Variants in CALN1 observed in about 807,000 individuals in gnomAD.
CALN1 encodes calcium-binding protein 8.
Under a neutral mutation model 30.6 loss-of-function variants are expected in CALN1, and 17 were observed. The ratio of observed to expected loss-of-function variants is 0.56; its 90% CI spans 0.38 to 0.83. The LOEUF (loss-of-function observed/expected upper bound fraction) is 0.83, where lower values mean the gene tolerates loss of function less well. Ranked by LOEUF, CALN1 falls within the 40% of genes least tolerant of loss-of-function variation. The pLI is 0.00. For synonymous variants in CALN1, 156 were observed against 131.4 expected (o/e 1.19, Z -1.28); for missense variants, 291 against 354.9 (o/e 0.82, Z 1.45).
At chr7:72,255,705 C>T (rs1795862142) in intron 3 of CALN1, among the ~76,000 whole-genome samples, 1 of 151,060 alleles carries the variant, frequency 6.6e-6, no homozygotes, top group African/African-American at 2.4e-5. Context: ...TGTGAGCCAC[C>T]ACACCCAGCA....
At chr7:71,965,320 C>T (rs532432454) in intron 5 of CALN1, among the ~76,000 whole-genome samples, 5 of 152,218 alleles carry the variant, frequency 3.3e-5, no homozygotes, top group Middle Eastern at 3.2e-3. Flanking sequence ...TGTGAGCCAC[C>T]ATGCCCAGCC....
At chr7:71,914,809 T>C (rs927506772) in intron 5 of CALN1, among the ~76,000 whole-genome samples, 11 of 152,212 alleles carry the variant, frequency 7.2e-5, no homozygotes, top group African/African-American at 2.4e-4. Flanking sequence ...GATGTTGAGC[T>C]TCTTTTTCCT....
chr7:71,805,024 T>C (rs768368085), intron 6 of CALN1, among the ~76,000 whole-genome samples: 3 of 152,224 alleles, frequency 2.0e-5, no homozygotes, highest in Non-Finnish European at 2.9e-5. Flanking sequence ...CATTAATTTC[T>C]AATAGAGTCC....
intron 3 of CALN1, among the ~76,000 whole-genome samples, chr7:72,108,864 T>C (rs1231221730): frequency 1.3e-5 from 2 of 152,200 alleles, no homozygotes. Context: ...TAAGTTTGCA[T>C]GGACTTGCCC....
intron 5 of CALN1, among the ~76,000 whole-genome samples, chr7:71,895,396 G>A (rs1251203320): frequency 6.6e-6 from 1 of 151,742 alleles, no homozygotes; most frequent in African/African-American, 2.4e-5. Context: ...CATTTTAATT[G>A]TTCCTCTTGT....
chr7:71,797,780 G>C (rs2867514), intron 6 of CALN1, among the ~76,000 whole-genome samples: 99,342 of 151,960 alleles, frequency 0.65, 34,352 homozygotes, highest in East Asian at 0.91. Context: ...ATCTTTTGTG[G>C]TTGGGACCTT....
At chr7:71,796,647 C>T (rs748185232) in intron 6 of CALN1, among the ~76,000 whole-genome samples, 40 of 152,222 alleles carry the variant, frequency 2.6e-4, no homozygotes, top group Non-Finnish European at 5.1e-4. Flanking sequence ...CGTGAGCCAC[C>T]GCGTCCAGCT....
intron 2 of CALN1, among the ~76,000 whole-genome samples, chr7:72,299,354 C>T (rs973251105): frequency 6.6e-6 from 1 of 151,966 alleles, no homozygotes; most frequent in African/African-American, 2.4e-5. Flanking sequence ...TGCAGTAAAG[C>T]ATGAACACAA....
chr7:72,290,111 A>T (rs1463336590), intron 2 of CALN1, among the ~76,000 whole-genome samples: 53 of 133,340 alleles, frequency 4.0e-4, no homozygotes, highest in African/African-American at 1.3e-3. Flanking sequence ...AAAAAAAAAA[A>T]AAAAAAAAAA....
At chr7:72,314,305 G>T (rs974724856) in intron 2 of CALN1, among the ~76,000 whole-genome samples, 3 of 151,514 alleles carry the variant, frequency 2.0e-5, no homozygotes, top group African/African-American at 7.3e-5. Flanking sequence ...AATACTATTT[G>T]ATTTCTAAGC....
rs556359838 is a variant in CALN1, at chr7:72,075,818, A to G, written c.388+30333T>C. Among the ~76,000 whole-genome samples, 58 of 152,258 alleles carry G rather than the reference A, an allele frequency of 3.8e-4. 1 individual carries two copies. In the South Asian group the frequency reaches 9.8e-3, roughly 26 times the overall value. ...CTCAGGCCATGGGAGGTTAGGTTTC[A>G]ACAAATAGAGACATCTGGGTGTCAG... On this transcript the variant is annotated intron_variant, in intron 4 of 6. Transcript: ENST00000395275.
chr7:72,179,892 A>G (rs1789635037), intron 3 of CALN1, among the ~76,000 whole-genome samples: 1 of 152,236 alleles, frequency 6.6e-6, no homozygotes. Context: ...CTGTTTGCTT[A>G]TTAACAAAAG....
intron 3 of CALN1, among the ~76,000 whole-genome samples, chr7:72,213,738 T>C (rs1375568539): frequency 1.3e-5 from 2 of 152,146 alleles, no homozygotes; most frequent in African/African-American, 4.8e-5. Context: ...TGACCAGCTG[T>C]GTCTACTCAG....
the CALN1 span, among the ~76,000 whole-genome samples, chr7:72,489,206 A>C: frequency 6.6e-6 from 1 of 152,112 alleles, no homozygotes; most frequent in African/African-American, 2.4e-5. Flanking sequence ...TCCTCTTTGG[A>C]AACAGGGGAA....
At chr7:71,788,833 A>AT (rs1371939718) in intron 6 of CALN1, among the ~76,000 whole-genome samples, 1 of 151,386 alleles carries the variant, frequency 6.6e-6, no homozygotes, top group African/African-American at 2.4e-5. Context: ...AATTTTTTGT[A>AT]TTTTTTAGTA....
intron 5 of CALN1, among the ~76,000 whole-genome samples, chr7:71,996,519 A>T (rs1321589337): frequency 6.6e-6 from 1 of 152,214 alleles, no homozygotes; most frequent in Non-Finnish European, 1.5e-5. Context: ...AGCTGAGGAT[A>T]ATGGCTTCCA....
chr7:71,788,785 G>A (rs1233380356), intron 6 of CALN1, among the ~76,000 whole-genome samples: 3 of 152,004 alleles, frequency 2.0e-5, no homozygotes, highest in African/African-American at 7.2e-5. Context: ...AGCCTCCTGA[G>A]TAGCTGGGAC....
At chr7:72,457,191 G>GCA in the CALN1 span, among the ~76,000 whole-genome samples, 18 of 152,026 alleles carry the variant, frequency 1.2e-4, no homozygotes, top group African/African-American at 3.9e-4. Flanking sequence ...TGCATTTTTA[G>GCA]TAGAGATGTG....
chr7:72,158,730 G>A (rs1450379765), intron 3 of CALN1, among the ~76,000 whole-genome samples: 1 of 152,188 alleles, frequency 6.6e-6, no homozygotes, highest in Non-Finnish European at 1.5e-5. Flanking sequence ...TGAGGACTGA[G>A]GCATTAAGGG....
Sources: allele counts gnomAD v4.1 joint callset (sites outside exome capture counted in the v4.1 genomes callset), GRCh38; gene constraint gnomAD v4.1.1; transcripts MANE v1.5; gene names NCBI Gene and HGNC (gene_info 2026-07-23, HGNC 2026-07-21).